The following ADAMTS6 variants were observed in gnomAD, a reference collection of about 807,000 sequenced individuals.
ADAMTS6 encodes A disintegrin and metalloproteinase with thrombospondin motifs 6.
In ADAMTS6, 23 loss-of-function variants were observed where a neutral mutation model predicts 144.3. That is an observed-to-expected ratio of 0.16 (90% CI 0.11 to 0.23). The LOEUF is 0.23. Among genes scored for constraint, ADAMTS6 ranks in the 10% least tolerant of loss-of-function variants. ADAMTS6 has a pLI of 1.00. For missense variants in ADAMTS6, 999 were observed against 1,379.6 expected, an observed-to-expected ratio of 0.72 and a Z score of 4.37; for synonymous variants, 444 against 457.5, an observed-to-expected ratio of 0.97 and a Z score of 0.38.
intron 24 of ADAMTS6, among the ~76,000 whole-genome samples, chr5:65,164,713 G>A (rs1179704368): frequency 1.2e-4 from 16 of 138,500 alleles, no homozygotes; most frequent in South Asian, 2.4e-4. Context: ...CCTCAAGTGG[G>A]TCCCTGACCC....
intron 8 of ADAMTS6, among the ~76,000 whole-genome samples, chr5:65,330,097 C>T (rs113952689): frequency 3.9e-5 from 6 of 152,134 alleles, no homozygotes; most frequent in African/African-American, 1.4e-4. Context: ...GAAAGTCATT[C>T]ACACATTCAG....
chr5:65,217,812 A>C lies in ADAMTS6; in HGVS notation c.2273-2325T>G, dbSNP rs144357055. Among the ~76,000 whole-genome samples, 326 of 152,330 alleles carry C rather than the reference A, an allele frequency of 2.1e-3. 1 individual carries two copies. Among genetic ancestry groups the C allele is most frequent in the African/African-American group, 7.6e-3 (316 of 41,582 alleles). Reference sequence around the variant, plus strand: ...AGACTAAAACTATCTCAAAGGATTAAACATCAAATAAATAGAACTTCTCCT... The same window carrying C: ...AGACTAAAACTATCTCAAAGGATTACACATCAAATAAATAGAACTTCTCCT... On this transcript the variant is annotated intron_variant, in intron 18 of 24. Coordinates refer to ENST00000381055, the MANE Select transcript of ADAMTS6 (RefSeq NM_197941.4).
intron 16 of ADAMTS6, among the ~76,000 whole-genome samples, chr5:65,225,737 T>C (rs1757675729): frequency 6.6e-6 from 1 of 152,212 alleles, no homozygotes; most frequent in South Asian, 2.1e-4. Flanking sequence ...AAAAAGAACA[T>C]ATGGTAGAAA....
intron 7 of ADAMTS6, among the ~76,000 whole-genome samples, chr5:65,387,611 C>T (rs896393661): frequency 2.0e-5 from 3 of 152,090 alleles, no homozygotes; most frequent in Non-Finnish European, 4.4e-5. Flanking sequence ...TAATAATCAG[C>T]GGTTTTACAG....
At chr5:65,191,041 G>A (rs749666633) in intron 21 of ADAMTS6, among the ~76,000 whole-genome samples, 13 of 151,868 alleles carry the variant, frequency 8.6e-5, no homozygotes, top group Non-Finnish European at 1.8e-4. Flanking sequence ...TCTAGACTTG[G>A]TGGCAAAAAC....
At chr5:65,240,544 G>A (rs1269372898) in intron 15 of ADAMTS6, among the ~76,000 whole-genome samples, 1 of 152,104 alleles carries the variant, frequency 6.6e-6, no homozygotes, top group Non-Finnish European at 1.5e-5. Context: ...GCCTTTGGAA[G>A]GTAACTAGGT....
chr5:65,236,309 C>G (rs1311308764), intron 15 of ADAMTS6, among the ~76,000 whole-genome samples: 1 of 152,076 alleles, frequency 6.6e-6, no homozygotes, highest in Non-Finnish European at 1.5e-5. Context: ...TAATCTTTTT[C>G]TTTCTTTTTT....
intron 11 of ADAMTS6, among the ~76,000 whole-genome samples, chr5:65,275,403 G>GA (rs1175494025): frequency 8.4e-6 from 1 of 119,558 alleles, no homozygotes; most frequent in Non-Finnish European, 1.8e-5. Context: ...AAGAAAGAAA[G>GA]AAAGAAAGAA....
intron 11 of ADAMTS6, among the ~76,000 whole-genome samples, chr5:65,276,858 T>C (rs1762584878): frequency 6.6e-6 from 1 of 152,224 alleles, no homozygotes; most frequent in African/African-American, 2.4e-5. Flanking sequence ...ATTTTCTTTT[T>C]TTCTTTTTAC....
chr5:65,207,309 G>A (rs1303381544), intron 20 of ADAMTS6, among the ~76,000 whole-genome samples: 1 of 152,096 alleles, frequency 6.6e-6, no homozygotes, highest in Non-Finnish European at 1.5e-5. Flanking sequence ...TATCAGGAGT[G>A]TCAATAGAGC....
intron 7 of ADAMTS6, among the ~76,000 whole-genome samples, chr5:65,394,871 T>G (rs1580590281): frequency 6.6e-6 from 1 of 152,156 alleles, no homozygotes; most frequent in African/African-American, 2.4e-5. Flanking sequence ...ATATTATATA[T>G]AGTAAGTTTA....
intron 11 of ADAMTS6, among the ~76,000 whole-genome samples, chr5:65,282,475 A>G (rs564206848): frequency 1.3e-5 from 2 of 152,038 alleles, no homozygotes; most frequent in Non-Finnish European, 1.5e-5. Context: ...AAGGTGCCAG[A>G]CTCCCAGTTA....
chr5:65,374,885 C>T (rs947423801), intron 7 of ADAMTS6, among the ~76,000 whole-genome samples: 1 of 152,186 alleles, frequency 6.6e-6, no homozygotes, highest in African/African-American at 2.4e-5. Flanking sequence ...GTAACCAACA[C>T]AGCATGGCAC....
rs1052877490 is a variant in ADAMTS6, at chr5:65,473,450, C to A, written c.97+127G>T. 26 of 727,350 alleles carry A rather than the reference C, an allele frequency of 3.6e-5. No individual in the cohort carries two copies. In the African/African-American group the frequency reaches 4.6e-4, roughly 13 times the overall value. The allele number at this position is 727,350 out of a possible 1,614,324, so 45.1% of individuals were successfully genotyped here. A position where few individuals can be genotyped will look rare whatever the true frequency, so the allele number is the denominator to read the frequency against. The stretch of plus-strand genomic sequence containing the variant: ...TTATGAAACTAATACCGAATTGACA[C>A]AGTAGGCCTCTATTCCTATCACTAC... On this transcript the variant is annotated intron_variant, in intron 2 of 24. Coordinates refer to ENST00000381055, the MANE Select transcript of ADAMTS6 (RefSeq NM_197941.4).
intron 8 of ADAMTS6, among the ~76,000 whole-genome samples, chr5:65,332,458 T>C (rs540712655): frequency 4.7e-4 from 71 of 152,012 alleles, no homozygotes; most frequent in African/African-American, 1.7e-3. Context: ...GTGTCTATTA[T>C]ATCTAAAATT....
At position 65,151,227 on chromosome 5, in the gene ADAMTS6, G is replaced by A. The variant is rs557385012; in HGVS notation, c.*609C>T. 1.3e-5 allele frequency: 2 copies of A among 152,528 alleles called. No homozygotes were observed. Among genetic ancestry groups the A allele is most frequent in the Non-Finnish European group, 2.9e-5 (2 of 68,044 alleles). 9.4% of individuals were successfully genotyped at this position (152,528 alleles called of 1,614,324 possible). On this transcript the variant is annotated 3_prime_UTR_variant, in exon 25 of 25. Transcript: ENST00000381055. ...CTCACAGCAGTGTTCAGAACCAGGG[G>A]ATTATTCCTAAGGAAATTAAGTGGA... is the stretch of plus-strand genomic sequence containing the variant.
At chr5:65,394,581 T>C (rs1276961770) in intron 7 of ADAMTS6, among the ~76,000 whole-genome samples, 1 of 152,160 alleles carries the variant, frequency 6.6e-6, no homozygotes, top group Non-Finnish European at 1.5e-5. Context: ...TTGAGGAGGA[T>C]TGCTCAAGTA....
At chr5:65,373,907 G>A (rs377298299) in intron 7 of ADAMTS6, among the ~76,000 whole-genome samples, 1 of 152,042 alleles carries the variant, frequency 6.6e-6, no homozygotes, top group Admixed American at 6.6e-5. Flanking sequence ...AAGCTTATCT[G>A]CCATGATCAA....
intron 7 of ADAMTS6, among the ~76,000 whole-genome samples, chr5:65,401,212 A>G (rs1753886276): frequency 6.6e-6 from 1 of 152,128 alleles, no homozygotes; most frequent in African/African-American, 2.4e-5. Context: ...ATAGTCCTAC[A>G]ATTAGGTCTC....
Sources: allele counts gnomAD v4.1 joint callset (sites outside exome capture counted in the v4.1 genomes callset), GRCh38; gene constraint gnomAD v4.1.1; transcripts MANE v1.5; gene names NCBI Gene and HGNC (gene_info 2026-07-23, HGNC 2026-07-21).